RPTOR: variants seen among roughly 807,000 people sequenced by gnomAD.
RPTOR encodes the protein regulatory-associated protein of mTOR.
Under a neutral mutation model 169.9 loss-of-function variants are expected in RPTOR, and 21 were observed. The observed-to-expected ratio is 0.12, with a 90% CI of 0.09 to 0.18. The LOEUF is 0.18. Ranked by LOEUF, RPTOR falls within the 10% of genes least tolerant of loss-of-function variation. The pLI is 1.00. For synonymous variants in RPTOR, 732 were observed against 753.2 expected (o/e 0.97, Z 0.46); for missense variants, 1,133 against 1,855.9 (o/e 0.61, Z 7.16).
rs374540818 is a variant in RPTOR, at chr17:80,880,537, G to A, written c.1584+48G>A. On this transcript the variant is annotated intron_variant, in intron 14 of 33. Transcript: ENST00000306801. Reference sequence around the variant, plus strand: ...TCCACGGGCTTGGGACTCAGCACTCGCCTCTGCCCACACGCTGCACTGCGG... The same window carrying A: ...TCCACGGGCTTGGGACTCAGCACTCACCTCTGCCCACACGCTGCACTGCGG... 7.6e-5 allele frequency: 119 copies of A among 1,561,064 alleles called. 1 individual carries two copies. Among genetic ancestry groups the A allele is most frequent in the East Asian group, 1.1e-4 (5 of 44,508 alleles).
At chr17:80,816,220 G>A (rs2067321901) in intron 7 of RPTOR, among the ~76,000 whole-genome samples, 2 of 152,258 alleles carry the variant, frequency 1.3e-5, no homozygotes, top group South Asian at 4.1e-4. Flanking sequence ...GCGTGAGCCA[G>A]GGCAGAAGGG....
chr17:80,771,983 C>T (rs2066848440), intron 6 of RPTOR, among the ~76,000 whole-genome samples: 2 of 152,172 alleles, frequency 1.3e-5, no homozygotes, highest in South Asian at 4.1e-4. Flanking sequence ...CCATGCCTGG[C>T]TAATTTTTCA....
At chr17:80,753,962 A>C in intron 5 of RPTOR, 48 bp from the exon 6 acceptor site, 1 of 1,536,748 alleles carries the variant, frequency 6.5e-7, no homozygotes, top group Non-Finnish European at 8.9e-7. Flanking sequence ...TTTGGTTGTG[A>C]CCAGCAGCTA....
chr17:80,721,930 G>T lies in RPTOR; in HGVS notation c.508-8630G>T, dbSNP rs1048665671. On this transcript the variant is annotated intron_variant, in intron 4 of 33. Transcript: ENST00000306801. This position sits in a 1 kb window ranked among gnomAD's most constrained non-coding sequence, Gnocchi z 4.7. ...AAAGGTCAGCTGCTTCCTATTCCTT[G>T]TGGATTGTGCTGCTGATGGGAACTT... Among the ~76,000 whole-genome samples, 9 of 151,112 alleles carry T rather than the reference G, an allele frequency of 6.0e-5. No individual in the cohort carries two copies. The highest frequency in any genetic ancestry group is 2.0e-4 in the Admixed American group (3 of 15,230).
At chr17:80,798,894 C>T (rs748404653) in intron 7 of RPTOR, among the ~76,000 whole-genome samples, 9 of 152,294 alleles carry the variant, frequency 5.9e-5, no homozygotes, top group Non-Finnish European at 8.8e-5. Flanking sequence ...GTGACACCCC[C>T]GTGTCCCTAC....
At chr17:80,729,933 C>T (rs967880617) in intron 4 of RPTOR, among the ~76,000 whole-genome samples, 5 of 152,194 alleles carry the variant, frequency 3.3e-5, no homozygotes, top group Non-Finnish European at 7.3e-5. Flanking sequence ...GCTCTGGTTC[C>T]ATGGAGGGAG....
chr17:80,817,443 C>T (rs2067335770), intron 7 of RPTOR, among the ~76,000 whole-genome samples: 2 of 140,208 alleles, frequency 1.4e-5, no homozygotes, highest in African/African-American at 2.7e-5. Flanking sequence ...TGAGTGCAGA[C>T]GGAGCTGAAG....
At chr17:80,678,591 A>T (rs2065876316) in intron 3 of RPTOR, among the ~76,000 whole-genome samples, 1 of 152,244 alleles carries the variant, frequency 6.6e-6, no homozygotes, top group South Asian at 2.1e-4. Context: ...ATTTCAAGAT[A>T]AAAATTAAGA....
intron 3 of RPTOR, among the ~76,000 whole-genome samples, chr17:80,645,763 A>G (rs904164760): frequency 6.6e-6 from 1 of 152,212 alleles, no homozygotes. Flanking sequence ...GGTGACCTTT[A>G]CATGTAGGTC....
In RPTOR at chr17:80,947,729, G is replaced by A. The variant is rs910657720; in HGVS notation, c.3265+378G>A. On this transcript the variant is annotated intron_variant, in intron 27 of 33. Transcript: ENST00000306801. The surrounding 1 kb of genome is among the most constrained non-coding windows in gnomAD (Gnocchi z 4.4). Reference sequence around the variant, plus strand: ...CCACAACACGTGCCAGGTCCTCCCCGGCCAGGGTCTCCTGGCATCGCTGGC... The same window carrying A: ...CCACAACACGTGCCAGGTCCTCCCCAGCCAGGGTCTCCTGGCATCGCTGGC... 2.0e-5 allele frequency among the ~76,000 whole-genome samples: 3 copies of A among 152,030 alleles called. No individual in the cohort carries two copies. Among genetic ancestry groups the A allele is most frequent in the Non-Finnish European group, 2.9e-5 (2 of 68,010 alleles).
intron 6 of RPTOR, among the ~76,000 whole-genome samples, chr17:80,755,146 T>C (rs529226103): frequency 1.3e-5 from 2 of 152,252 alleles, no homozygotes; most frequent in African/African-American, 2.4e-5. Context: ...AAGTCCAAAT[T>C]GATCCCAGAC....
At chr17:80,763,073 C>G (rs1356332345) in intron 6 of RPTOR, among the ~76,000 whole-genome samples, 1 of 152,106 alleles carries the variant, frequency 6.6e-6, no homozygotes, top group Non-Finnish European at 1.5e-5. Flanking sequence ...CAGCACGACC[C>G]TGTCTCTACT....
intron 1 of RPTOR, among the ~76,000 whole-genome samples, chr17:80,580,337 TTTTGCAAAATTGCTG>T (rs1380558509): frequency 1.3e-5 from 2 of 152,162 alleles, no homozygotes; most frequent in Non-Finnish European, 2.9e-5. Flanking sequence ...AATTGGCACG[TTTTGCAAAATTGCTG>T]TTTGGGAAGT....
At chr17:80,762,593 A>G (rs1459589335) in intron 6 of RPTOR, among the ~76,000 whole-genome samples, 6 of 152,254 alleles carry the variant, frequency 3.9e-5, no homozygotes, top group Admixed American at 1.3e-4. Flanking sequence ...TAAAAGTGAT[A>G]AAAGACAATT....
chr17:80,792,923 G>A (rs778334333), intron 7 of RPTOR, among the ~76,000 whole-genome samples: 5 of 151,798 alleles, frequency 3.3e-5, no homozygotes, highest in Admixed American at 6.6e-5. Flanking sequence ...CACCGGATGC[G>A]TATCCCAAAT....
Position 80,961,445 on chromosome 17 carries a change from G to A in RPTOR, c.3657G>A (p.Leu1219=), listed in dbSNP as rs1247212707. 3 of 1,551,642 alleles carry A rather than the reference G, an allele frequency of 1.9e-6. No homozygotes were observed. Among genetic ancestry groups the A allele is most frequent in the Non-Finnish European group, 2.6e-6 (3 of 1,147,862 alleles). Residue 1219 remains leucine (L), a synonymous_variant, in exon 31 of 34, where the codon CTG becomes CTA. Transcript: ENST00000306801. ...EHTAWVVKAS[L]QKRPDGHIVS... is the part of the protein sequence containing the mutation. Reference sequence around the variant, plus strand: ...CAGCCTGGGTGGTGAAGGCCTCCCTGCAGAAGCGTCCCGACGGCCACATCG... The same window carrying A: ...CAGCCTGGGTGGTGAAGGCCTCCCTACAGAAGCGTCCCGACGGCCACATCG...
At chr17:80,599,775 C>A (rs1002235871) in intron 1 of RPTOR, among the ~76,000 whole-genome samples, 1 of 151,962 alleles carries the variant, frequency 6.6e-6, no homozygotes, top group Non-Finnish European at 1.5e-5. Context: ...CGTGTCATTG[C>A]ACGCTGGAGG....
chr17:80,635,480 C>T (rs763920997), intron 2 of RPTOR, among the ~76,000 whole-genome samples: 21 of 152,156 alleles, frequency 1.4e-4, no homozygotes, highest in East Asian at 3.9e-4. Context: ...AAGACTGGGA[C>T]GGGAGCTGGG....
intron 1 of RPTOR, among the ~76,000 whole-genome samples, chr17:80,558,021 T>G (rs1166346125): frequency 6.7e-6 from 1 of 150,024 alleles, no homozygotes; most frequent in Non-Finnish European, 1.5e-5. Context: ...TGTTCTAGGC[T>G]GGGCACAGTG....
Sources: gnomAD v4.1 joint callset for allele counts (sites outside exome capture counted in the v4.1 genomes callset) on GRCh38, gnomAD v4.1.1 for gene constraint, Gnocchi (gnomAD v3.1) non-coding constraint, MANE v1.5 for transcripts, NCBI Gene and HGNC (gene_info 2026-07-23, HGNC 2026-07-21) for gene names.